Variants in RBFOX1 observed in about 807,000 individuals in gnomAD.
RBFOX1 encodes the protein RNA binding protein fox-1 homolog 1.
RBFOX1 carries 8 observed loss-of-function variants against 57.7 expected under a neutral mutation model. The ratio of observed to expected loss-of-function variants is 0.14; its 90% confidence interval spans 0.08 to 0.25. The LOEUF (loss-of-function observed/expected upper bound fraction) is 0.25, where lower values mean the gene tolerates loss of function less well. Among genes scored for constraint, RBFOX1 ranks in the 10% least tolerant of loss-of-function variants. RBFOX1 has a pLI of 1.00. For synonymous variants in RBFOX1, 326 were observed against 222.4 expected (o/e 1.47, Z -4.15); for missense variants, 611 against 548.5 (o/e 1.11, Z -1.14).
intron 4 of RBFOX1, among the ~76,000 whole-genome samples, chr16:7,360,912 C>T (rs4627376): frequency 6.6e-5 from 10 of 152,168 alleles, no homozygotes; most frequent in Admixed American, 1.3e-4. Context: ...TATCCTTATC[C>T]TTGGAGAGTC....
At chr16:7,098,757 C>G (rs1435953189) in intron 4 of RBFOX1, among the ~76,000 whole-genome samples, 1 of 151,896 alleles carries the variant, frequency 6.6e-6, no homozygotes, top group Non-Finnish European at 1.5e-5. Context: ...TGAGACCAGC[C>G]TGGGCAACAT....
chr16:6,238,869 C>T (rs542154785), intron 1 of RBFOX1, among the ~76,000 whole-genome samples: 2 of 152,212 alleles, frequency 1.3e-5, no homozygotes, highest in Admixed American at 6.5e-5. Flanking sequence ...TGGTCTCCAT[C>T]CCCTCAAGCA....
chr16:6,164,326 A>G (rs1438140580), intron 1 of RBFOX1, among the ~76,000 whole-genome samples: 1 of 152,140 alleles, frequency 6.6e-6, no homozygotes, highest in Non-Finnish European at 1.5e-5. Context: ...ATTAAACTAC[A>G]TTTCTGAAAG....
At chr16:6,008,524 G>A (rs1023687366) in intron 4 of RBFOX1, among the ~76,000 whole-genome samples, 1 of 152,138 alleles carries the variant, frequency 6.6e-6, no homozygotes. Context: ...AAGCTTGCTG[G>A]TTAGAGGCAC....
intron 2 of RBFOX1, among the ~76,000 whole-genome samples, chr16:6,495,995 C>T (rs960569739): frequency 1.3e-5 from 2 of 152,070 alleles, no homozygotes; most frequent in Non-Finnish European, 2.9e-5. Flanking sequence ...TTATATGCGT[C>T]AGTGTAAAGC....
rs921512570 is a variant in RBFOX1, at chr16:7,469,319, C to T, written c.28-48828C>T. 4.6e-5 allele frequency among the ~76,000 whole-genome samples: 7 copies of T among 152,090 alleles called. No individual in the cohort carries two copies. The South Asian group carries it at 6.2e-4, about 14-fold the overall frequency. On this transcript the variant is annotated intron_variant, in intron 4 of 15. Transcript: ENST00000550418. ...CCTCATGATCTGCCCGCCTCGGCCT[C>T]CCAAAGTGCTGGGATTATAGGCGTG... is the stretch of plus-strand genomic sequence containing the variant.
At chr16:7,121,276 G>A (rs1057340235) in intron 4 of RBFOX1, among the ~76,000 whole-genome samples, 2 of 152,104 alleles carry the variant, frequency 1.3e-5, no homozygotes, top group South Asian at 2.1e-4. Flanking sequence ...CAATAAGGAA[G>A]AAAAAGAATT....
At chr16:6,193,356 TTATA>T (rs61247347) in intron 1 of RBFOX1, among the ~76,000 whole-genome samples, 8,651 of 64,214 alleles carry the variant, frequency 0.13, 718 homozygotes, top group East Asian at 0.27. Flanking sequence ...TATATATACA[TTATA>T]TATATATATA....
chr16:5,379,177 C>T (rs1054964579), intron 1 of RBFOX1, among the ~76,000 whole-genome samples: 1 of 151,658 alleles, frequency 6.6e-6, no homozygotes. Flanking sequence ...GGTGCTTCAT[C>T]TCAAGGCACT....
chr16:7,005,729 C>G (rs915096361), intron 3 of RBFOX1, among the ~76,000 whole-genome samples: 2 of 152,150 alleles, frequency 1.3e-5, no homozygotes, highest in Non-Finnish European at 2.9e-5. Flanking sequence ...GACAAGACCG[C>G]TAGGTGATCA....
At chr16:6,120,764 G>C (rs953427439) in intron 1 of RBFOX1, among the ~76,000 whole-genome samples, 1 of 152,032 alleles carries the variant, frequency 6.6e-6, no homozygotes, top group Non-Finnish European at 1.5e-5. Context: ...ACTCAGATCT[G>C]TCCCTGCGTT....
At chr16:6,922,488 C>T (rs2074687924) in intron 3 of RBFOX1, among the ~76,000 whole-genome samples, 2 of 152,162 alleles carry the variant, frequency 1.3e-5, no homozygotes, top group Admixed American at 1.3e-4. Flanking sequence ...TCTTTTAGCT[C>T]ATTTTCTTTG....
At chr16:6,896,773 C>G (rs535785097) in intron 3 of RBFOX1, among the ~76,000 whole-genome samples, 4 of 152,094 alleles carry the variant, frequency 2.6e-5, no homozygotes, top group African/African-American at 9.6e-5. Flanking sequence ...TGAAGACCCA[C>G]AAATGTACAT....
At chr16:6,253,699 G>GTGTATATGTA (rs71145205) in intron 1 of RBFOX1, among the ~76,000 whole-genome samples, 3 of 142,414 alleles carry the variant, frequency 2.1e-5, no homozygotes, top group African/African-American at 7.6e-5. Flanking sequence ...GTGTGTGTGT[G>GTGTATATGTA]TATATATATA....
intron 12 of RBFOX1, among the ~76,000 whole-genome samples, chr16:7,664,427 CAT>C (rs2068639485): frequency 6.6e-6 from 1 of 152,150 alleles, no homozygotes; most frequent in Non-Finnish European, 1.5e-5. Flanking sequence ...TTTTTGAAAC[CAT>C]ATGTGTTGTC....
intron 3 of RBFOX1, among the ~76,000 whole-genome samples, chr16:5,792,632 C>T (rs1366936223): frequency 1.3e-5 from 2 of 152,150 alleles, no homozygotes; most frequent in Non-Finnish European, 1.5e-5. Context: ...CACCTGAGGT[C>T]AGGAGTTTGA....
At chr16:5,699,654 G>C (rs551211517) in intron 3 of RBFOX1, among the ~76,000 whole-genome samples, 2 of 152,038 alleles carry the variant, frequency 1.3e-5, no homozygotes, top group Non-Finnish European at 2.9e-5. Flanking sequence ...CTGGGTTGGG[G>C]TGTGCTACTG....
At chr16:7,705,312 G>C (rs567653415) in intron 14 of RBFOX1, among the ~76,000 whole-genome samples, 2 of 151,998 alleles carry the variant, frequency 1.3e-5, no homozygotes, top group African/African-American at 2.4e-5. Context: ...CAAAACCATC[G>C]TGGCTAACAC....
chr16:7,326,231 C>T (rs1342837698), intron 4 of RBFOX1, among the ~76,000 whole-genome samples: 1 of 152,156 alleles, frequency 6.6e-6, no homozygotes, highest in Non-Finnish European at 1.5e-5. Context: ...AATGGAAGCA[C>T]ACCTGTGTGA....
Sources: gnomAD v4.1 joint callset for allele counts (sites outside exome capture counted in the v4.1 genomes callset) on GRCh38, gnomAD v4.1.1 for gene constraint, MANE v1.5 for transcripts, NCBI Gene and HGNC (gene_info 2026-07-23, HGNC 2026-07-21) for gene names.